Variants in ELL observed in about 807,000 individuals in gnomAD.
ELL encodes the protein elongation factor for RNA polymerase II.
In ELL, 18 loss-of-function variants were observed where a neutral mutation model predicts 64.0. That is an observed-to-expected ratio of 0.28 (90% CI 0.19 to 0.42). ELL has a LOEUF of 0.42. ELL is among the 10% of genes least tolerant of loss of function. The pLI is 1.00. For synonymous variants in ELL, 399 were observed against 376.2 expected (o/e 1.06, Z -0.70); for missense variants, 797 against 870.4 (o/e 0.92, Z 1.06).
chr19:18,472,549 GC>G, intron 2 of ELL: 3 of 432,540 alleles, frequency 6.9e-6, no homozygotes, highest in Non-Finnish European at 8.2e-6. Flanking sequence ...GGGGTTGGGG[GC>G]CCCTGCCCTA....
chr19:18,519,817 AAAAAAAAGAAAGAAAG>A (rs1976218428), intron 1 of ELL, among the ~76,000 whole-genome samples: 1 of 150,486 alleles, frequency 6.6e-6, no homozygotes, highest in Admixed American at 6.6e-5. Context: ...AAAAAAAAAA[AAAAAAAAGAAAGAAAG>A]AAAGAAAGAA....
At chr19:18,450,263 C>T (rs1400297674) in intron 8 of ELL, among the ~76,000 whole-genome samples, 2 of 152,266 alleles carry the variant, frequency 1.3e-5, no homozygotes, top group Non-Finnish European at 1.5e-5. Flanking sequence ...CTGCAAGTGG[C>T]ACCGGGCACT....
intron 1 of ELL, among the ~76,000 whole-genome samples, chr19:18,482,561 C>T (rs1975324817): frequency 1.3e-5 from 2 of 152,066 alleles, no homozygotes; most frequent in South Asian, 2.1e-4. Flanking sequence ...TGATCTCAAA[C>T]TCCTGACCTC....
intron 1 of ELL, among the ~76,000 whole-genome samples, chr19:18,515,858 T>C (rs946973226): frequency 3.3e-5 from 5 of 152,166 alleles, no homozygotes; most frequent in African/African-American, 7.2e-5. Context: ...CGAGCACCCT[T>C]GGACAGGTGA....
At chr19:18,468,171 CCACA>C (rs1249168910) in intron 2 of ELL, among the ~76,000 whole-genome samples, 1 of 149,972 alleles carries the variant, frequency 6.7e-6, no homozygotes, top group Admixed American at 6.6e-5. Flanking sequence ...TCACACATAA[CCACA>C]CACACAACCA....
At position 18,444,665 on chromosome 19, in the gene ELL, T is replaced by C; in HGVS notation, c.*87A>G. Reference sequence around the variant, plus strand: ...GCGGTGCTGGCTCAGATGAGCATCTTCCTCGGGTTTATTTTTTTAAATAAA... The same window carrying C: ...GCGGTGCTGGCTCAGATGAGCATCTCCCTCGGGTTTATTTTTTTAAATAAA... On this transcript the variant is annotated 3_prime_UTR_variant, in exon 12 of 12. Transcript: ENST00000262809. 1.4e-6 allele frequency: 2 copies of C among 1,394,250 alleles called. No homozygotes were observed. The allele number at this position is 1,394,250 out of a possible 1,614,324, so 86.4% of individuals were successfully genotyped here.
chr19:18,487,193 A>T (rs560416277), intron 1 of ELL, among the ~76,000 whole-genome samples: 35 of 152,276 alleles, frequency 2.3e-4, no homozygotes, highest in African/African-American at 7.0e-4. Context: ...GGCATTCCCC[A>T]TAAAAACCCA....
chr19:18,445,618 G>A lies in ELL; in HGVS notation c.1705-350C>T, dbSNP rs542469433. Among the ~76,000 whole-genome samples the A allele has an allele frequency of 6.6e-5, 10 of 152,178 alleles. No individual in the cohort carries two copies. The South Asian group carries it at 2.1e-3, about 32-fold the overall frequency. On this transcript the variant is annotated intron_variant, in intron 10 of 11. Coordinates refer to ENST00000262809, the MANE Select transcript of ELL (RefSeq NM_006532.4). ...GAGATGCCCCAAGAACCCGTGGCTC[G>A]CAGCCCCTAGAACCCCATCATGAGT...
chr19:18,459,821 C>T (rs934272364), intron 5 of ELL, among the ~76,000 whole-genome samples: 2 of 144,512 alleles, frequency 1.4e-5, no homozygotes, highest in Admixed American at 6.9e-5. Flanking sequence ...CCACCGCGCC[C>T]GGCCCATGGG....
At chr19:18,466,555 A>C (rs1974939599) in intron 2 of ELL, among the ~76,000 whole-genome samples, 1 of 152,218 alleles carries the variant, frequency 6.6e-6, no homozygotes, top group South Asian at 2.1e-4. Flanking sequence ...CCTGCAGCCC[A>C]GCTGGGCAAA....
At chr19:18,471,529 A>ATGG (rs1299810480) in intron 2 of ELL, among the ~76,000 whole-genome samples, 2 of 152,226 alleles carry the variant, frequency 1.3e-5, no homozygotes, top group African/African-American at 4.8e-5. Flanking sequence ...TTAGCCAGGC[A>ATGG]TGGTGGCAGG....
chr19:18,477,408 G>A (rs1362857108), intron 1 of ELL, among the ~76,000 whole-genome samples: 4 of 152,118 alleles, frequency 2.6e-5, no homozygotes, highest in South Asian at 4.1e-4. Flanking sequence ...GAGGGCAGGC[G>A]GGGGATCTGA....
chr19:18,495,125 G>A (rs188676068), intron 1 of ELL, among the ~76,000 whole-genome samples: 5 of 152,306 alleles, frequency 3.3e-5, no homozygotes, highest in Admixed American at 2.0e-4. Flanking sequence ...ACAAAAACTA[G>A]AGTGACACAG....
chr19:18,519,880 G>C (rs1244929318), intron 1 of ELL, among the ~76,000 whole-genome samples: 1 of 150,776 alleles, frequency 6.6e-6, no homozygotes, highest in Non-Finnish European at 1.5e-5. Flanking sequence ...ACAGCTTTTT[G>C]AGAAAAATCC....
intron 8 of ELL, among the ~76,000 whole-genome samples, chr19:18,447,920 G>C (rs1030958437): frequency 2.0e-5 from 3 of 151,844 alleles, no homozygotes; most frequent in Admixed American, 6.6e-5. Flanking sequence ...AAGTAGGTGA[G>C]ACTACAGGCA....
At chr19:18,500,860 G>A (rs933103198) in intron 1 of ELL, among the ~76,000 whole-genome samples, 2 of 152,166 alleles carry the variant, frequency 1.3e-5, no homozygotes, top group African/African-American at 4.8e-5. Context: ...CTCAAAAACA[G>A]CCTAATACAG....
chr19:18,511,261 C>T (rs912998027), intron 1 of ELL, among the ~76,000 whole-genome samples: 5 of 141,596 alleles, frequency 3.5e-5, no homozygotes, highest in Non-Finnish European at 6.1e-5. Flanking sequence ...AGCGAAACTC[C>T]GTCTCAAAAA....
intron 6 of ELL, 30 bp downstream of exon 6, chr19:18,458,175 G>A (rs1269147674): frequency 1.2e-6 from 2 of 1,603,410 alleles, no homozygotes; most frequent in African/African-American, 2.7e-5. Context: ...TGCGGGTGGG[G>A]ACATGCTGGG....
At chr19:18,459,167 G>A (rs1010225335) in intron 5 of ELL, among the ~76,000 whole-genome samples, 9 of 152,120 alleles carry the variant, frequency 5.9e-5, no homozygotes, top group Non-Finnish European at 8.8e-5. Flanking sequence ...GTGAGCCACC[G>A]CGCTGGGCTC....
Sources: allele counts gnomAD v4.1 joint callset (sites outside exome capture counted in the v4.1 genomes callset), GRCh38; gene constraint gnomAD v4.1.1; transcripts MANE v1.5; gene names NCBI Gene and HGNC (gene_info 2026-07-23, HGNC 2026-07-21).